Variants in BACH2 observed in about 807,000 individuals in gnomAD.
The protein encoded by BACH2 is BACH transcriptional regulator 2, also known as transcription regulator protein BACH2.
A neutral mutation model predicts 61.8 loss-of-function variants in BACH2; 5 were observed. That is an observed-to-expected ratio of 0.08 (90% confidence interval 0.04 to 0.17). The LOEUF (loss-of-function observed/expected upper bound fraction) is 0.17, where lower values mean the gene tolerates loss of function less well. Among genes scored for constraint, BACH2 ranks in the 10% least tolerant of loss-of-function variants. BACH2 has a pLI of 1.00. For missense variants in BACH2, 824 were observed against 1,091.1 expected (o/e 0.76, Z 3.45); for synonymous variants, 446 against 440.1 (o/e 1.01, Z -0.17).
At chr6:90,108,251 T>C (rs1282093708) in intron 4 of BACH2, among the ~76,000 whole-genome samples, 2 of 152,174 alleles carry the variant, frequency 1.3e-5, no homozygotes, top group East Asian at 1.9e-4. Context: ...AAGGGAATGA[T>C]TGGTATTAAT....
chr6:90,083,726 T>C (rs1781814731), intron 5 of BACH2, among the ~76,000 whole-genome samples: 1 of 152,158 alleles, frequency 6.6e-6, no homozygotes, highest in African/African-American at 2.4e-5. Context: ...ACTTGCAGTT[T>C]CTCGAGAAGG....
intron 5 of BACH2, among the ~76,000 whole-genome samples, chr6:90,028,033 A>G (rs1394361814): frequency 1.3e-5 from 2 of 152,218 alleles, no homozygotes; most frequent in African/African-American, 4.8e-5. Context: ...ATTTCCATCC[A>G]AGACCTGCAA....
chr6:89,945,526 A>T (rs1305063564), intron 7 of BACH2, among the ~76,000 whole-genome samples: 1 of 152,212 alleles, frequency 6.6e-6, no homozygotes, highest in African/African-American at 2.4e-5. Context: ...AAGGTAGATT[A>T]CTGGTTGCCT....
chr6:89,992,277 A>T (rs1159355950), intron 6 of BACH2, among the ~76,000 whole-genome samples: 1 of 152,222 alleles, frequency 6.6e-6, no homozygotes, highest in Non-Finnish European at 1.5e-5. Flanking sequence ...GCACAAAAGG[A>T]AGCATACCAT....
chr6:90,072,661 G>T (rs1430572146), intron 5 of BACH2, among the ~76,000 whole-genome samples: 3 of 152,104 alleles, frequency 2.0e-5, no homozygotes, highest in Non-Finnish European at 4.4e-5. Context: ...TGTGAAAAGT[G>T]CACAATGACT....
chr6:90,234,585 TA>T (rs749573575), intron 3 of BACH2, among the ~76,000 whole-genome samples: 5 of 152,228 alleles, frequency 3.3e-5, no homozygotes, highest in Non-Finnish European at 5.9e-5. Flanking sequence ...AAATTTTAGT[TA>T]AAATTTTAGA....
At chr6:90,236,238 C>CA (rs1770255884) in intron 3 of BACH2, among the ~76,000 whole-genome samples, 1 of 152,200 alleles carries the variant, frequency 6.6e-6, no homozygotes, top group South Asian at 2.1e-4. Context: ...ATTTGTTAAG[C>CA]AAAAGCAAGC....
At chr6:90,014,469 T>TATATATATATA (rs540765610) in intron 5 of BACH2, among the ~76,000 whole-genome samples, 3 of 35,710 alleles carry the variant, frequency 8.4e-5, no homozygotes, top group African/African-American at 4.8e-4. Flanking sequence ...TATATATATA[T>TATATATATATA]TTTTTTTTTT....
chr6:89,955,567 C>T (rs1335806239), intron 6 of BACH2, among the ~76,000 whole-genome samples: 1 of 152,122 alleles, frequency 6.6e-6, no homozygotes, highest in Admixed American at 6.5e-5. Context: ...TCCCAGGAAC[C>T]CATCTCTGGT....
intron 1 of BACH2, among the ~76,000 whole-genome samples, chr6:90,284,734 T>TA (rs566757995): frequency 3.4e-4 from 49 of 145,746 alleles, no homozygotes; most frequent in Admixed American, 1.2e-3. Context: ...ATCAAGAGAT[T>TA]AAAAAAAAAA....
At chr6:90,072,491 T>G (rs562172637) in intron 5 of BACH2, among the ~76,000 whole-genome samples, 1 of 152,334 alleles carries the variant, frequency 6.6e-6, no homozygotes, top group Middle Eastern at 3.4e-3. Flanking sequence ...TCACAAACTC[T>G]TATCAAGGCA....
intron 5 of BACH2, among the ~76,000 whole-genome samples, chr6:90,029,055 C>G (rs909343939): frequency 2.0e-5 from 3 of 152,170 alleles, no homozygotes; most frequent in African/African-American, 7.2e-5. Context: ...TTGACAATGG[C>G]TTGCCTTTTC....
In BACH2 at chr6:89,986,102, C is replaced by T. The variant is rs181633047; in HGVS notation, c.243+22500G>A. On this transcript the variant is annotated intron_variant, in intron 6 of 8. Transcript: ENST00000257749. Reference sequence around the variant, plus strand: ...ACAAAGCTGGGGAGACTGATAGTGGCGGCGGCGAACTGAACTCAGCCCCCT... The same window carrying T: ...ACAAAGCTGGGGAGACTGATAGTGGTGGCGGCGAACTGAACTCAGCCCCCT... Among the ~76,000 whole-genome samples the T allele has an allele frequency of 1.3e-4, 20 of 152,198 alleles. No homozygotes were observed. In the East Asian group the frequency reaches 2.1e-3, roughly 16 times the overall value.
At chr6:90,131,391 T>C (rs184758678) in intron 4 of BACH2, among the ~76,000 whole-genome samples, 300 of 152,334 alleles carry the variant, frequency 2.0e-3, no homozygotes, top group African/African-American at 6.9e-3. Flanking sequence ...CTTTGTGTAG[T>C]TGACTCCTCA....
chr6:89,987,173 A>G (rs370057287), intron 6 of BACH2, among the ~76,000 whole-genome samples: 1 of 152,338 alleles, frequency 6.6e-6, no homozygotes, highest in East Asian at 1.9e-4. Flanking sequence ...TTTAACAAAA[A>G]TAGATGTCAA....
At chr6:90,064,569 G>C (rs762043878) in intron 5 of BACH2, among the ~76,000 whole-genome samples, 3 of 152,166 alleles carry the variant, frequency 2.0e-5, no homozygotes, top group East Asian at 1.9e-4. Context: ...CCTGTACAGG[G>C]GGACCAGTTA....
At chr6:89,949,047 C>T (rs933206010) in intron 7 of BACH2, among the ~76,000 whole-genome samples, 2 of 152,204 alleles carry the variant, frequency 1.3e-5, no homozygotes, top group Admixed American at 6.5e-5. Flanking sequence ...ACTAAAACCT[C>T]ATGTGCTTCT....
intron 7 of BACH2, among the ~76,000 whole-genome samples, chr6:89,947,606 C>T (rs1773807665): frequency 1.3e-5 from 2 of 151,698 alleles, no homozygotes; most frequent in Admixed American, 6.6e-5. Context: ...CGCTCTGTCA[C>T]CCAGGCAGGA....
chr6:89,946,156 G>T, intron 7 of BACH2, among the ~76,000 whole-genome samples: 1 of 152,302 alleles, frequency 6.6e-6, no homozygotes, highest in Non-Finnish European at 1.5e-5. Flanking sequence ...ATTCCTACAT[G>T]TTGATTTAAA....
Sources: allele counts gnomAD v4.1 joint callset (sites outside exome capture counted in the v4.1 genomes callset), GRCh38; gene constraint gnomAD v4.1.1; transcripts MANE v1.5; gene names NCBI Gene and HGNC (gene_info 2026-07-23, HGNC 2026-07-21).